Variants in TNNI3K observed in about 807,000 individuals in gnomAD.
The protein encoded by TNNI3K is serine/threonine-protein kinase TNNI3K.
In TNNI3K, 140 loss-of-function variants were observed where a neutral mutation model predicts 114.5. The observed-to-expected ratio is 1.22, with a 90% CI of 1.07 to 1.41. The LOEUF is 1.41. Ranked by LOEUF, TNNI3K falls within the 40% of genes most tolerant of loss-of-function variation. The pLI is 0.00. For synonymous variants in TNNI3K, 347 were observed against 347.5 expected (o/e 1.00, Z 0.02); for missense variants, 1,125 against 1,007.6 (o/e 1.12, Z -1.58).
intron 24 of TNNI3K, among the ~76,000 whole-genome samples, chr1:74,543,447 G>T (rs932093097): frequency 6.6e-6 from 1 of 152,104 alleles, no homozygotes; most frequent in Admixed American, 6.5e-5. Context: ...AGTGCTAATT[G>T]TCTTAGGTGC....
chr1:74,342,167 A>G (rs1195636047), intron 7 of TNNI3K, among the ~76,000 whole-genome samples: 2 of 152,126 alleles, frequency 1.3e-5, no homozygotes. Context: ...CAGTATACGG[A>G]ATTACCCAGA....
chr1:74,430,974 A>G (rs1665870018), intron 17 of TNNI3K, among the ~76,000 whole-genome samples: 1 of 152,170 alleles, frequency 6.6e-6, no homozygotes, highest in South Asian at 2.1e-4. Flanking sequence ...CTTTGCTTCC[A>G]AGATTCATTA....
intron 5 of TNNI3K, among the ~76,000 whole-genome samples, chr1:74,320,583 A>G (rs1399944007): frequency 6.6e-6 from 1 of 152,212 alleles, no homozygotes; most frequent in Non-Finnish European, 1.5e-5. Context: ...CTACACATGT[A>G]CTTGCAACAA....
chr1:74,411,008 T>C (rs1664853269), intron 17 of TNNI3K, among the ~76,000 whole-genome samples: 2 of 152,244 alleles, frequency 1.3e-5, no homozygotes, highest in African/African-American at 2.4e-5. Flanking sequence ...TGTGTAGTCA[T>C]ACCTTAAAGC....
At chr1:74,325,276 AGACCCCTAGCT>A (rs1263243034) in intron 5 of TNNI3K, among the ~76,000 whole-genome samples, 3 of 152,166 alleles carry the variant, frequency 2.0e-5, no homozygotes, top group Non-Finnish European at 4.4e-5. Context: ...AGAGCCCTGC[AGACCCCTAGCT>A]GCTCTTACAC....
intron 6 of TNNI3K, among the ~76,000 whole-genome samples, chr1:74,332,143 C>T (rs1660235373): frequency 6.6e-6 from 1 of 151,824 alleles, no homozygotes; most frequent in African/African-American, 2.4e-5. Flanking sequence ...TTTTAACATA[C>T]TTTTGTTCAA....
At chr1:74,513,487 T>C (rs567645349) in intron 23 of TNNI3K, among the ~76,000 whole-genome samples, 28 of 152,326 alleles carry the variant, frequency 1.8e-4, no homozygotes, top group Middle Eastern at 3.4e-3. Context: ...GCAGAGAACT[T>C]TGCATTCTCA....
At chr1:74,395,446 C>A (rs577652804) in intron 17 of TNNI3K, among the ~76,000 whole-genome samples, 1 of 152,266 alleles carries the variant, frequency 6.6e-6, no homozygotes, top group Non-Finnish European at 1.5e-5. Context: ...AACCCATAGA[C>A]AAACCTGAGA....
chr1:74,536,023 T>C (rs564529679), intron 23 of TNNI3K, among the ~76,000 whole-genome samples: 7 of 152,294 alleles, frequency 4.6e-5, no homozygotes, highest in African/African-American at 1.7e-4. Flanking sequence ...CTCCTAGTAA[T>C]CAGTGTTTTT....
intron 23 of TNNI3K, among the ~76,000 whole-genome samples, chr1:74,529,140 G>C (rs993750898): frequency 6.6e-6 from 1 of 152,156 alleles, no homozygotes; most frequent in African/African-American, 2.4e-5. Context: ...TATTTATATA[G>C]TCTCAAAATA....
rs929819510 is a variant in TNNI3K at position 74,474,985 on chromosome 1, A to G, written c.2121+11435A>G. 3.2e-5 allele frequency among the ~76,000 whole-genome samples: 4 copies of G among 125,822 alleles called. No homozygotes were observed. The Admixed American group carries it at 3.5e-4, about 11-fold the overall frequency. The allele number at this position is 125,822 out of a possible 152,430, so 82.5% of individuals were successfully genotyped here. On this transcript the variant is annotated intron_variant, in intron 21 of 24. Coordinates refer to ENST00000326637, the MANE Select transcript of TNNI3K (RefSeq NM_015978.3). The stretch of plus-strand genomic sequence containing the variant: ...CTATCCCATAGATCTTAACAGCACT[A>G]TTGCTATTTAAAAGGCTACTTTTTT...
At chr1:74,353,627 G>T (rs987258872) in intron 10 of TNNI3K, among the ~76,000 whole-genome samples, 1 of 142,314 alleles carries the variant, frequency 7.0e-6, no homozygotes, top group Non-Finnish European at 1.5e-5. Flanking sequence ...ACACTGCTCT[G>T]CCCTTGATTT....
chr1:74,436,409 C>A, intron 18 of TNNI3K, 65 bp from the exon 19 acceptor site: 1 of 1,500,598 alleles, frequency 6.7e-7, no homozygotes, highest in Non-Finnish European at 8.9e-7. Flanking sequence ...AAAATTTTAA[C>A]TGTGATCTTT....
chr1:74,382,211 T>A (rs1436110111), intron 17 of TNNI3K, among the ~76,000 whole-genome samples: 5 of 152,224 alleles, frequency 3.3e-5, no homozygotes, highest in Admixed American at 2.0e-4. Context: ...TTTTGTCATT[T>A]CTATTCATGT....
Position 74,470,799 on chromosome 1 carries a change from G to A in TNNI3K, c.2121+7249G>A. 3 of 400,584 alleles carry A rather than the reference G, an allele frequency of 7.5e-6. No homozygotes were observed. The East Asian group carries it at 1.1e-4, about 14-fold the overall frequency. The allele number at this position is 400,584 out of a possible 1,614,324, so 24.8% of individuals were successfully genotyped here. On this transcript the variant is annotated intron_variant, in intron 21 of 24. Transcript: ENST00000326637. ...CATTTTGGTCTAAAGTGTATTCCTT[G>A]TTGTAGCTGTCAGTCTTGTGAGCAT...
At chr1:74,323,907 A>G (rs895877543) in intron 5 of TNNI3K, among the ~76,000 whole-genome samples, 1 of 152,192 alleles carries the variant, frequency 6.6e-6, no homozygotes, top group Non-Finnish European at 1.5e-5. Flanking sequence ...AGCCATTTCT[A>G]TGGAGGAATA....
intron 16 of TNNI3K, 59 bp downstream of exon 16, chr1:74,369,644 A>G (rs1662490768): frequency 6.7e-7 from 1 of 1,486,992 alleles, no homozygotes; most frequent in Admixed American, 2.4e-5. Context: ...CTCTTGCAAT[A>G]CTTCAGAGGG....
chr1:74,290,888 A>C (rs2100287118), intron 5 of TNNI3K, among the ~76,000 whole-genome samples: 1 of 151,856 alleles, frequency 6.6e-6, no homozygotes, highest in South Asian at 2.1e-4. Flanking sequence ...TTTCAAATGT[A>C]GGATCACACT....
intron 5 of TNNI3K, among the ~76,000 whole-genome samples, chr1:74,294,474 T>C (rs897040170): frequency 3.3e-5 from 5 of 152,076 alleles, no homozygotes; most frequent in Admixed American, 1.3e-4. Flanking sequence ...GCACACCTCT[T>C]TCTAACTCTC....
Sources: allele counts gnomAD v4.1 joint callset (sites outside exome capture counted in the v4.1 genomes callset), GRCh38; gene constraint gnomAD v4.1.1; transcripts MANE v1.5; gene names NCBI Gene and HGNC (gene_info 2026-07-23, HGNC 2026-07-21).